The following PCGF5 variants were observed in gnomAD, a reference collection of about 807,000 sequenced individuals.
The protein encoded by PCGF5 is polycomb group ring finger 5.
A neutral mutation model predicts 44.3 loss-of-function variants in PCGF5; 9 were observed. The observed-to-expected ratio is 0.20, with a 90% CI of 0.12 to 0.35. The LOEUF is 0.35. Among genes scored for constraint, PCGF5 ranks in the 10% least tolerant of loss-of-function variants. The probability of loss-of-function intolerance (pLI) is 1.00; values close to 1 mark genes in which losing one functional copy is unlikely to be tolerated. For synonymous variants in PCGF5, 95 were observed against 102.5 expected (o/e 0.93, Z 0.44); for missense variants, 146 against 305.3 (o/e 0.48, Z 3.89).
rs1317112753 is a variant in PCGF5 at position 91,278,900 on chromosome 10, C to T, written c.*584C>T. ...TTCCAATTATTCTGTAACATTAGAGCACAATATAATTGTAGACATTCTAAG... is the reference window on the plus strand; with the variant it reads ...TTCCAATTATTCTGTAACATTAGAGTACAATATAATTGTAGACATTCTAAG... On this transcript the variant is annotated 3_prime_UTR_variant, in exon 10 of 10. Transcript: ENST00000336126. 6.5e-6 allele frequency: 1 copy of T among 152,980 alleles called. No homozygotes were observed. Among genetic ancestry groups the T allele is most frequent in the Non-Finnish European group, 1.5e-5 (1 of 68,346 alleles). 9.5% of individuals were successfully genotyped at this position (152,980 alleles called of 1,614,324 possible). A position where few individuals can be genotyped will look rare whatever the true frequency, so the allele number is the denominator to read the frequency against.
At chr10:91,260,250 C>T (rs1019057001) in intron 6 of PCGF5, among the ~76,000 whole-genome samples, 16 of 152,118 alleles carry the variant, frequency 1.1e-4, no homozygotes, top group African/African-American at 3.9e-4. Flanking sequence ...GCAAATCAAA[C>T]CACAATGAGA....
chr10:91,212,991 C>G (rs1236151823), intron 1 of PCGF5, among the ~76,000 whole-genome samples: 1 of 152,170 alleles, frequency 6.6e-6, no homozygotes, highest in African/African-American at 2.4e-5. Context: ...ATATTACACT[C>G]ACATTTTAAT....
At chr10:91,169,295 A>G (rs1438117191) in intron 1 of PCGF5, among the ~76,000 whole-genome samples, 1 of 152,186 alleles carries the variant, frequency 6.6e-6, no homozygotes, top group Non-Finnish European at 1.5e-5. Flanking sequence ...ATGGCAAAAT[A>G]TAAAGAAATA....
chr10:91,231,787 A>C (rs546363809), intron 2 of PCGF5, among the ~76,000 whole-genome samples: 1 of 152,370 alleles, frequency 6.6e-6, no homozygotes, highest in African/African-American at 2.4e-5. Flanking sequence ...CAGACCTGTT[A>C]GAAGGCCATT....
chr10:91,172,380 C>T (rs999340197), intron 1 of PCGF5, among the ~76,000 whole-genome samples: 9 of 151,828 alleles, frequency 5.9e-5, no homozygotes, highest in Admixed American at 4.6e-4. Context: ...GATTGTGCCA[C>T]TGCACTCCAG....
intron 1 of PCGF5, among the ~76,000 whole-genome samples, chr10:91,176,937 C>T (rs1326921980): frequency 1.3e-5 from 2 of 152,170 alleles, no homozygotes; most frequent in Non-Finnish European, 1.5e-5. Flanking sequence ...AGCTTTGTTC[C>T]GTTGCTGATG....
chr10:91,253,036 T>C (rs1845658427), intron 6 of PCGF5, among the ~76,000 whole-genome samples: 1 of 151,936 alleles, frequency 6.6e-6, no homozygotes, highest in Admixed American at 6.6e-5. Flanking sequence ...GATTCTTCCT[T>C]TTTTTCCTGT....
chr10:91,254,214 G>A (rs1323025702), intron 6 of PCGF5, among the ~76,000 whole-genome samples: 1 of 151,650 alleles, frequency 6.6e-6, no homozygotes, highest in Non-Finnish European at 1.5e-5. Context: ...GTGTGTGTGT[G>A]TGTGTGTGTG....
intron 2 of PCGF5, among the ~76,000 whole-genome samples, chr10:91,231,544 G>T (rs1002243572): frequency 6.6e-6 from 1 of 152,202 alleles, no homozygotes; most frequent in African/African-American, 2.4e-5. Context: ...TGACTGAGTT[G>T]TTGAGAAATG....
intron 2 of PCGF5, among the ~76,000 whole-genome samples, chr10:91,225,790 C>T (rs1457163816): frequency 1.3e-5 from 2 of 151,950 alleles, no homozygotes; most frequent in African/African-American, 4.8e-5. Flanking sequence ...AATATAAATA[C>T]AAACAAATAT....
chr10:91,216,085 C>T (rs1844533713), upstream of PCGF5, among the ~76,000 whole-genome samples: 2 of 152,184 alleles, frequency 1.3e-5, no homozygotes, highest in Non-Finnish European at 2.9e-5. Context: ...TGGGGATATG[C>T]ATAGCCAAGC....
intron 1 of PCGF5, among the ~76,000 whole-genome samples, chr10:91,221,355 A>G (rs1287407491): frequency 6.6e-6 from 1 of 152,212 alleles, no homozygotes; most frequent in African/African-American, 2.4e-5. Flanking sequence ...CCTGTGGGAA[A>G]GGCAAGGCAG....
intron 1 of PCGF5, among the ~76,000 whole-genome samples, chr10:91,177,939 A>G (rs1480451624): frequency 6.6e-6 from 1 of 152,122 alleles, no homozygotes; most frequent in Non-Finnish European, 1.5e-5. Flanking sequence ...CTGTCCAACA[A>G]TCCCCAGTGA....
chr10:91,235,323 A>G (rs1399410359), intron 2 of PCGF5, among the ~76,000 whole-genome samples: 7 of 152,180 alleles, frequency 4.6e-5, no homozygotes, highest in Non-Finnish European at 1.0e-4. Context: ...TTTTCTATTA[A>G]TTTGTCCAAC....
rs1846396558 is a variant in PCGF5 at position 91,279,480 on chromosome 10, T to G, written c.*1164T>G. 6.6e-6 allele frequency: 1 copy of G among 152,182 alleles called. No individual in the cohort carries two copies. The highest frequency in any genetic ancestry group is 1.5e-5 in the Non-Finnish European group (1 of 68,000). The allele number at this position is 152,182 out of a possible 1,614,324, so 9.4% of individuals were successfully genotyped here. A position where few individuals can be genotyped will look rare whatever the true frequency, so the allele number is the denominator to read the frequency against. ...TTGGGGAAATGAGAAGATTATTATT[T>G]TATACATGAGTTCATTAAGATCAGA... On this transcript the variant is annotated 3_prime_UTR_variant, in exon 10 of 10. Transcript: ENST00000336126.
In PCGF5 at chr10:91,196,218, A is replaced by G. The variant is rs140889126; in HGVS notation, c.-183-26471A>G. 5.3e-3 allele frequency among the ~76,000 whole-genome samples: 812 copies of G among 152,322 alleles called. 7 individuals are homozygous for G. The highest frequency in any genetic ancestry group is 0.018 in the African/African-American group (752 of 41,572). ...TGACATTCTGTCAGCAAGGGCTAGA[A>G]TGTCAGTGCCAAGAGAAGTGATGTG... On this transcript the variant is annotated intron_variant, in intron 1 of 9. Transcript: ENST00000614189.
At chr10:91,261,465 C>G (rs1329969248) in intron 7 of PCGF5, 41 bp downstream of exon 7, 1 of 1,373,584 alleles carries the variant, frequency 7.3e-7, no homozygotes, top group Admixed American at 2.7e-5. Context: ...TTTGATAATT[C>G]TGATTTGAAG....
At chr10:91,211,247 C>T (rs1844445981) in intron 1 of PCGF5, among the ~76,000 whole-genome samples, 1 of 152,198 alleles carries the variant, frequency 6.6e-6, no homozygotes, top group Admixed American at 6.5e-5. Context: ...TATCCAGACA[C>T]AGAAATGCAT....
At chr10:91,193,704 A>G (rs1487048400) in intron 1 of PCGF5, among the ~76,000 whole-genome samples, 1 of 152,132 alleles carries the variant, frequency 6.6e-6, no homozygotes, top group Non-Finnish European at 1.5e-5. Flanking sequence ...CAGAAGCAAT[A>G]TAATTTGATG....
Sources: gnomAD v4.1 joint callset for allele counts (sites outside exome capture counted in the v4.1 genomes callset) on GRCh38, gnomAD v4.1.1 for gene constraint, MANE v1.5 for transcripts, NCBI Gene and HGNC (gene_info 2026-07-23, HGNC 2026-07-21) for gene names.